OPLAH: variants seen among roughly 807,000 people sequenced by gnomAD.
OPLAH encodes 5-oxoprolinase, ATP-hydrolysing, also known as 5-oxoprolinase.
OPLAH carries 103 observed loss-of-function variants against 122.8 expected under a neutral mutation model. The ratio of observed to expected loss-of-function variants is 0.84; its 90% CI spans 0.71 to 0.99. OPLAH has a LOEUF of 0.99. OPLAH is among the 50% of genes least tolerant of loss of function. The probability of loss-of-function intolerance (pLI) is 0.00; values close to 1 mark genes in which losing one functional copy is unlikely to be tolerated. For missense variants in OPLAH, 1,902 were observed against 1,836.5 expected (o/e 1.04, Z -0.65); for synonymous variants, 875 against 796.0 (o/e 1.10, Z -1.67).
chr8:144,051,102 TCCCG>T, downstream of OPLAH: 2 of 1,380,250 alleles, frequency 1.4e-6, no homozygotes, highest in Non-Finnish European at 9.3e-7. Flanking sequence ...TCAACCTGAC[TCCCG>T]CCCCCAGGAG....
chr8:144,057,033 G>C lies in OPLAH; in HGVS notation c.1621C>G (p.Pro541Ala). 1 of 1,599,872 alleles carries C rather than the reference G, an allele frequency of 6.3e-7. No individual in the cohort carries two copies. The highest frequency in any genetic ancestry group is 8.5e-7 in the Non-Finnish European group (1 of 1,174,418). The change falls in exon 12 of 27, where the codon CCT becomes GCT. Residue 541 changes from proline to alanine, a missense_variant. By Grantham distance (27) the Pro-to-Ala change is conservative. Around this residue, in one of 3 missense-constraint regions of OPLAH, gnomAD observed 1,726 missense variants for 1,642.1 expected, o/e 1.05. Transcript: ENST00000618853. Reference protein sequence around the residue: ...AQEPCSLLYAPETFVQLDQRL... With the variant: ...AQEPCSLLYAAETFVQLDQRL... ...TGGTCCAGCTGCACGAAGGTCTCAG[G>C]CGCGTAGAGCAGGGAGCAGGGTTCC...
chr8:144,054,741 G>A lies in OPLAH; in HGVS notation c.2512-6C>T, dbSNP rs532077880. 27 of 1,612,128 alleles carry A rather than the reference G, an allele frequency of 1.7e-5. No individual in the cohort carries two copies. The highest frequency in any genetic ancestry group is 1.3e-4 in the Admixed American group (8 of 59,990). ...GTCTGACCCGGCCAAAACACCTAGC[G>A]GGTGGAGAGCCACGGTCAGCTGCAT... On this transcript the variant is annotated splice_polypyrimidine_tract_variant and splice_region_variant and intron_variant, in intron 18 of 26. Coordinates refer to ENST00000618853, the MANE Select transcript of OPLAH (RefSeq NM_017570.5).
chr8:144,050,809 ACC>A, downstream of OPLAH: 1 of 988,444 alleles, frequency 1.0e-6, no homozygotes, highest in Non-Finnish European at 1.2e-6. Context: ...CGCGCTGAGC[ACC>A]TCCGTGCTCC....
rs1564286920 is a variant in OPLAH, at chr8:144,051,424, C to G, written c.3769G>C (p.Glu1257Gln). The stretch of plus-strand genomic sequence containing the variant: ...GACCCCGGCGGTGGGGCGGGGTCCT[C>G]CGGGTCCCCATAGCCACCGCCGCCG... ...TPGGGGYGDPEDPAPPPGSPP... is the reference protein window; with the variant it reads ...TPGGGGYGDPQDPAPPPGSPP... The change falls in exon 27 of 27, where the codon GAG becomes CAG. Residue 1257 changes from glutamate (E) to glutamine (Q), a missense_variant. This residue lies in a region of OPLAH where 1,726 missense variants were observed against 1,642.1 expected (regional missense o/e 1.05). Coordinates refer to ENST00000618853, the MANE Select transcript of OPLAH (RefSeq NM_017570.5). The G allele has an allele frequency of 6.3e-7, 1 of 1,586,258 alleles. No individual in the cohort carries two copies. The highest frequency in any genetic ancestry group is 8.5e-7 in the Non-Finnish European group (1 of 1,170,196).
At position 144,052,495 on chromosome 8, in the gene OPLAH, A is replaced by G; in HGVS notation, c.3257T>C (p.Val1086Ala). 2 of 1,567,288 alleles carry G rather than the reference A, an allele frequency of 1.3e-6. No homozygotes were observed. The highest frequency in any genetic ancestry group is 1.7e-6 in the Non-Finnish European group (2 of 1,163,312). The change falls in exon 23 of 27, where the codon GTG becomes GCG. Residue 1086 changes from valine (V) to alanine (A), a missense_variant. Physicochemically the swap from Val to Ala is moderately conservative, Grantham distance 64. Coordinates refer to ENST00000618853, the MANE Select transcript of OPLAH (RefSeq NM_017570.5). ...AAAGGCCCCCAGGATGACATCCACC[A>G]CGCGCTGCGACGTGAGCACGTTGCC... ...VGGNVLTSQRVVDVILGAFGA... is the reference protein window; with the variant it reads ...VGGNVLTSQRAVDVILGAFGA...
In OPLAH at chr8:144,060,129, C is replaced by A; in HGVS notation, c.-53-44G>T. On this transcript the variant is annotated intron_variant, in intron 1 of 26. Transcript: ENST00000618853. ...AGCCCGGGCTCACCTGCGAGTGGGACTAGAGGCTCCCCAGCCCTGCGCATG... is the reference window on the plus strand; with the variant it reads ...AGCCCGGGCTCACCTGCGAGTGGGAATAGAGGCTCCCCAGCCCTGCGCATG... 2.2e-6 allele frequency: 3 copies of A among 1,359,082 alleles called. No homozygotes were observed. The South Asian group carries it at 4.2e-5, about 19-fold the overall frequency. 84.2% of individuals were successfully genotyped at this position (1,359,082 alleles called of 1,614,324 possible). A position where few individuals can be genotyped will look rare whatever the true frequency, so the allele number is the denominator to read the frequency against.
At chr8:144,060,169 G>C in intron 1 of OPLAH, 84 bp from the exon 2 acceptor site, 1 of 987,006 alleles carries the variant, frequency 1.0e-6, no homozygotes. Context: ...GGGTTCCTGA[G>C]GGAGAGACCC....
At position 144,051,926 on chromosome 8, in the gene OPLAH, G is replaced by C. The variant is rs1292344717; in HGVS notation, c.3612C>G (p.Tyr1204Ter). 4 of 1,535,754 alleles carry C rather than the reference G, an allele frequency of 2.6e-6. No homozygotes were observed. Among genetic ancestry groups the C allele is most frequent in the Admixed American group, 3.9e-5 (2 of 51,064 alleles). The change falls in exon 25 of 27, where the codon TAC becomes TAG. Residue 1204 changes from tyrosine (Y) to a stop codon, truncating the protein, a stop_gained. Coordinates refer to ENST00000618853, the MANE Select transcript of OPLAH (RefSeq NM_017570.5). LOFTEE classifies it high-confidence loss of function. Reference protein sequence around the residue: ...VLTERRAFRPYGLHGGEPGAR... With the variant: ...VLTERRAFRP ...TGGGGAACCGCGCACCGTGGAGCCC[G>C]TATGGCCGGAAGGCGCGGCGCTCGG...
downstream of OPLAH, chr8:144,050,469 AGAGGAGGGC>A (rs1835347628): frequency 2.0e-6 from 2 of 985,510 alleles, no homozygotes; most frequent in Non-Finnish European, 2.4e-6. Context: ...GTCCAGCAGG[AGAGGAGGGC>A]GAGGAGGGGC....
downstream of OPLAH, chr8:144,051,048 C>G (rs1835360666): frequency 2.3e-6 from 3 of 1,300,236 alleles, no homozygotes; most frequent in African/African-American, 3.1e-5. Flanking sequence ...CATCACGTAC[C>G]GCGGAGTTCC....
chr8:144,059,484 G>C, intron 3 of OPLAH, 115 bp downstream of exon 3: 1 of 1,128,274 alleles, frequency 8.9e-7, no homozygotes. Context: ...CTTCCTCTTT[G>C]TCGGCTGGTG....
At chr8:144,057,829 C>G in intron 9 of OPLAH, 27 bp downstream of exon 9, 1 of 1,606,288 alleles carries the variant, frequency 6.2e-7, no homozygotes, top group Non-Finnish European at 8.5e-7. Flanking sequence ...GAGGGCAAGG[C>G]CAGGCCGGCC....
In OPLAH at chr8:144,051,464, G is replaced by A; in HGVS notation, c.3729C>T (p.Phe1243=). ...TSVTVYPGDV[F]CLHTPGGGGY... ...CACCGCCGCCGGGCGTGTGGAGACA[G>A]AACACATCCTGTTGGCGCGGGGGGG... is the stretch of plus-strand genomic sequence containing the variant. Residue 1243 remains phenylalanine, a synonymous_variant, in exon 27 of 27, where the codon TTC becomes TTT. Coordinates refer to ENST00000618853, the MANE Select transcript of OPLAH (RefSeq NM_017570.5). 1.2e-6 allele frequency: 1 copy of A among 831,340 alleles called. No individual in the cohort carries two copies. Among genetic ancestry groups the A allele is most frequent in the East Asian group, 5.0e-5 (1 of 19,902 alleles). The allele number at this position is 831,340 out of a possible 1,614,324, so 51.5% of individuals were successfully genotyped here. A position where few individuals can be genotyped will look rare whatever the true frequency, so the allele number is the denominator to read the frequency against.
chr8:144,056,795 G>GC, intron 12 of OPLAH, 40 bp from the exon 13 acceptor site: 1 of 1,571,538 alleles, frequency 6.4e-7, no homozygotes, highest in Non-Finnish European at 8.6e-7. Flanking sequence ...CAAACCCCCT[G>GC]CCCTGACCCC....
chr8:144,052,679 G>A (rs1835413424), intron 22 of OPLAH, 81 bp from the exon 23 acceptor site: 3 of 1,536,444 alleles, frequency 2.0e-6, no homozygotes, highest in Non-Finnish European at 2.6e-6. Flanking sequence ...CCCAGCACCC[G>A]TGGGGTCAGA....
At position 144,051,781 on chromosome 8, in the gene OPLAH, T is replaced by C. The variant is rs782089094; in HGVS notation, c.3668A>G (p.Asn1223Ser). ...ARGLNLLIRK[N>S]GRTVNLGGKT... ...GCCGCCCAGATTCACCGTCCGGCCG[T>C]TTTTGCGGATCAGCAGGTTTAGGCC... The change falls in exon 26 of 27, where the codon AAC (asparagine) becomes AGC (serine). Residue 1223 changes from asparagine to serine, a missense_variant. Transcript: ENST00000618853. The C allele has an allele frequency of 6.2e-7, 1 of 1,604,530 alleles. No individual in the cohort carries two copies. The highest frequency in any genetic ancestry group is 1.1e-5 in the South Asian group (1 of 90,016).
In OPLAH at chr8:144,052,293, G is replaced by A. The variant is rs1554757867; in HGVS notation, c.3337C>T (p.His1113Tyr). 1 of 1,532,726 alleles carries A rather than the reference G, an allele frequency of 6.5e-7. No individual in the cohort carries two copies. The highest frequency in any genetic ancestry group is 8.7e-7 in the Non-Finnish European group (1 of 1,144,588). 94.9% of individuals were successfully genotyped at this position (1,532,726 alleles called of 1,614,324 possible). A position where few individuals can be genotyped will look rare whatever the true frequency, so the allele number is the denominator to read the frequency against. The part of the protein sequence containing the change: ...CMNNVTLGNA[H>Y]MGYYETVAGG... Reference sequence around the variant, plus strand: ...GCCACCGTCTCGTAGTAGCCCATGTGGGCGTTGCCCAGGGTCACGTTGTTC... The same window carrying A: ...GCCACCGTCTCGTAGTAGCCCATGTAGGCGTTGCCCAGGGTCACGTTGTTC... Residue 1113 changes from histidine to tyrosine, a missense_variant, in exon 24 of 27, where the codon CAC becomes TAC. Physicochemically the swap from His to Tyr is moderately conservative, Grantham distance 83 (BLOSUM62 2). This residue lies in a region of OPLAH where 1,726 missense variants were observed against 1,642.1 expected (regional missense o/e 1.05). Transcript: ENST00000618853.
rs782797188 is a variant in OPLAH at position 144,058,266 on chromosome 8, G to A, written c.922C>T (p.Gln308Ter). 5.0e-6 allele frequency: 8 copies of A among 1,610,654 alleles called. No homozygotes were observed. The South Asian group carries it at 7.7e-5, about 15-fold the overall frequency. Residue 308 changes from glutamine to a stop codon, truncating the protein, a stop_gained, in exon 7 of 27, where the codon CAG becomes TAG. Coordinates refer to ENST00000618853, the MANE Select transcript of OPLAH (RefSeq NM_017570.5). LOFTEE classifies it high-confidence loss of function. ...SATTYQQEGGQPVIGFDMGGT... is the reference protein window; with the variant it reads ...SATTYQQEGG ...CCCATGTCAAAGCCGATGACAGGCTGGCCACCCTCCTGCTGGTAGGTGGTG... is the reference window on the plus strand; with the variant it reads ...CCCATGTCAAAGCCGATGACAGGCTAGCCACCCTCCTGCTGGTAGGTGGTG...
chr8:144,051,486 G>GA lies in OPLAH; in HGVS notation c.3721-15_3721-14insT. ...ACAGAACACATCCTGTTGGCGCGGG[G>GA]GGGGGCGGGGAGGCGGGCTCAGTGC... On this transcript the variant is annotated splice_polypyrimidine_tract_variant and intron_variant, in intron 26 of 26. Transcript: ENST00000618853. 6.8e-7 allele frequency: 1 copy of GA among 1,472,046 alleles called. No homozygotes were observed. Among genetic ancestry groups the GA allele is most frequent in the Non-Finnish European group, 9.0e-7 (1 of 1,106,164 alleles). The allele number at this position is 1,472,046 out of a possible 1,614,324, so 91.2% of individuals were successfully genotyped here. A position where few individuals can be genotyped will look rare whatever the true frequency, so the allele number is the denominator to read the frequency against.
Sources: gnomAD v4.1 joint callset for allele counts on GRCh38, gnomAD v4.1.1 for gene constraint, gnomAD v4.1.1 regional missense constraint, MANE v1.5 for transcripts, NCBI Gene and HGNC (gene_info 2026-07-23, HGNC 2026-07-21) for gene names.